The following PDE8A variants were observed in gnomAD, a reference collection of about 807,000 sequenced individuals.
PDE8A encodes phosphodiesterase 8A, also known as high affinity cAMP-specific and IBMX-insensitive 3',5'-cyclic phosphodiesterase 8A.
In PDE8A, 59 loss-of-function variants were observed where a neutral mutation model predicts 105.0. That is an observed-to-expected ratio of 0.56 (90% CI 0.46 to 0.70). The LOEUF is 0.70. PDE8A is among the 30% of genes least tolerant of loss of function. The pLI, the probability that PDE8A is intolerant of heterozygous loss-of-function variation, is 0.00. For synonymous variants in PDE8A, 355 were observed against 371.9 expected, an observed-to-expected ratio of 0.95 and a Z score of 0.52; for missense variants, 1,014 against 1,045.9, an observed-to-expected ratio of 0.97 and a Z score of 0.42.
At chr15:85,137,059 T>A (rs1339218528) in intron 21 of PDE8A, among the ~76,000 whole-genome samples, 1 of 152,172 alleles carries the variant, frequency 6.6e-6, no homozygotes, top group Non-Finnish European at 1.5e-5. Flanking sequence ...CTGATGCATG[T>A]CACCCTCCTT....
chr15:85,085,698 G>T (rs2081541444), intron 6 of PDE8A, among the ~76,000 whole-genome samples: 2 of 146,554 alleles, frequency 1.4e-5, no homozygotes, highest in South Asian at 4.4e-4. Flanking sequence ...AACAGACTTG[G>T]ATATATTTAA....
chr15:85,062,498 G>A (rs1234462971), intron 1 of PDE8A: 1 of 152,258 alleles, frequency 6.6e-6, no homozygotes, highest in African/African-American at 2.4e-5. Context: ...AAATCTCCTA[G>A]AAGTCTCTTC....
chr15:85,088,984 T>C (rs1178875447), intron 6 of PDE8A, among the ~76,000 whole-genome samples: 1 of 152,194 alleles, frequency 6.6e-6, no homozygotes, highest in Non-Finnish European at 1.5e-5. Context: ...TTCTCTTATT[T>C]AGTCTTCATG....
In PDE8A at chr15:85,071,125, G is replaced by A. The variant is rs575029907; in HGVS notation, c.434+3921G>A. ...GATAGGAATCTCTACTGTATCTGTC[G>A]TACCGTGGAGACTAATAAAGAAGCC... On this transcript the variant is annotated intron_variant, in intron 3 of 21. Coordinates refer to ENST00000394553, the MANE Select transcript of PDE8A (RefSeq NM_002605.3). 2.5e-3 allele frequency among the ~76,000 whole-genome samples: 386 copies of A among 152,300 alleles called. 4 individuals carry two copies. The highest frequency in any genetic ancestry group is 2.1e-3 in the Non-Finnish European group (146 of 68,022).
intron 1 of PDE8A, among the ~76,000 whole-genome samples, chr15:85,008,880 T>C (rs1450502427): frequency 6.6e-6 from 1 of 152,140 alleles, no homozygotes; most frequent in Non-Finnish European, 1.5e-5. Context: ...TCTCCCTGTG[T>C]CTCGAGTTCA....
chr15:85,075,247 C>A (rs1158709556), intron 3 of PDE8A, among the ~76,000 whole-genome samples: 1 of 152,194 alleles, frequency 6.6e-6, no homozygotes, highest in African/African-American at 2.4e-5. Context: ...TAACTTTAGT[C>A]GAACAGTCTC....
intron 1 of PDE8A, among the ~76,000 whole-genome samples, chr15:85,018,105 G>C (rs2080359251): frequency 6.6e-6 from 1 of 152,114 alleles, no homozygotes; most frequent in Non-Finnish European, 1.5e-5. Context: ...GTAGATTGTA[G>C]AGCAACAGAA....
chr15:84,993,837 A>G (rs1221344985), intron 1 of PDE8A, among the ~76,000 whole-genome samples: 5 of 152,162 alleles, frequency 3.3e-5, no homozygotes, highest in Non-Finnish European at 7.3e-5. Context: ...GCAGTGAGCT[A>G]TGATTGTGCC....
At chr15:85,006,422 T>A (rs2080148477) in intron 1 of PDE8A, among the ~76,000 whole-genome samples, 1 of 152,192 alleles carries the variant, frequency 6.6e-6, no homozygotes, top group Non-Finnish European at 1.5e-5. Context: ...CTAAAGTACA[T>A]GGTCCAGGCA....
At chr15:84,995,064 T>C (rs781599798) in intron 1 of PDE8A, among the ~76,000 whole-genome samples, 21 of 152,256 alleles carry the variant, frequency 1.4e-4, no homozygotes, top group Non-Finnish European at 2.4e-4. Flanking sequence ...TTTTTTCCTT[T>C]TGAAGCAACA....
intron 1 of PDE8A, among the ~76,000 whole-genome samples, chr15:85,012,334 G>T (rs1297491222): frequency 1.3e-5 from 2 of 152,134 alleles, no homozygotes; most frequent in Non-Finnish European, 2.9e-5. Flanking sequence ...TTAAGAAAAT[G>T]TGGCACATAT....
At chr15:85,088,263 G>A (rs1289329023) in intron 6 of PDE8A, among the ~76,000 whole-genome samples, 2 of 152,162 alleles carry the variant, frequency 1.3e-5, no homozygotes, top group South Asian at 2.1e-4. Flanking sequence ...GACCTCAGGT[G>A]ATCCACCCGC....
At chr15:85,058,322 A>T (rs1314602261) in intron 1 of PDE8A, among the ~76,000 whole-genome samples, 1 of 152,064 alleles carries the variant, frequency 6.6e-6, no homozygotes, top group Non-Finnish European at 1.5e-5. Context: ...CTGGCCTCAA[A>T]CAGTCCTCCC....
chr15:85,007,468 G>A (rs143911927), intron 1 of PDE8A, among the ~76,000 whole-genome samples: 159 of 150,848 alleles, frequency 1.1e-3, no homozygotes, highest in African/African-American at 3.7e-3. Flanking sequence ...ATACAGGTAC[G>A]TTCAGTTTGC....
chr15:85,009,972 C>G (rs746609439), intron 1 of PDE8A, among the ~76,000 whole-genome samples: 1 of 152,192 alleles, frequency 6.6e-6, no homozygotes, highest in Non-Finnish European at 1.5e-5. Flanking sequence ...ACATGCAACA[C>G]CATGCATGAA....
chr15:85,053,567 T>C lies in PDE8A; in HGVS notation c.187-10803T>C, dbSNP rs1321156658. Among the ~76,000 whole-genome samples the C allele has an allele frequency of 3.3e-5, 5 of 152,366 alleles. No individual in the cohort carries two copies. The East Asian group carries it at 5.8e-4, about 18-fold the overall frequency. On this transcript the variant is annotated intron_variant, in intron 1 of 21. Transcript: ENST00000394553. ...TTGTAAGTTGGATTCCTAGGTATTCTATTCTCTTGGAAGCAATTGTGAATG... is the reference window on the plus strand; with the variant it reads ...TTGTAAGTTGGATTCCTAGGTATTCCATTCTCTTGGAAGCAATTGTGAATG...
chr15:85,137,441 G>GGGCCA (rs1290531659), intron 21 of PDE8A, among the ~76,000 whole-genome samples: 4 of 151,644 alleles, frequency 2.6e-5, no homozygotes, highest in Non-Finnish European at 4.4e-5. Context: ...GAGCACACAA[G>GGGCCA]GGCCAGGCCA....
At position 85,123,089 on chromosome 15, in the gene PDE8A, A is replaced by AT; in HGVS notation, c.1983dup (p.Ile662TyrfsTer14). On this transcript the variant is annotated frameshift_variant, in exon 19 of 22. Transcript: ENST00000394553. LOFTEE classifies it high-confidence loss of function. ...TGATTATCGGACACTGCGCCAGGGGATTATCGACATGGTCTTAGCCACAGA... is the reference window on the plus strand; with the variant it reads ...TGATTATCGGACACTGCGCCAGGGGATTTATCGACATGGTCTTAGCCACAGA... The AT allele has an allele frequency of 6.2e-7, 1 of 1,614,032 alleles. No homozygotes were observed. Among genetic ancestry groups the AT allele is most frequent in the Non-Finnish European group, 8.5e-7 (1 of 1,179,958 alleles).
intron 3 of PDE8A, among the ~76,000 whole-genome samples, chr15:85,069,492 C>G (rs912600531): frequency 6.6e-6 from 1 of 152,178 alleles, no homozygotes. Context: ...ATTGTGTCCC[C>G]CCACCCCAGA....
Sources: allele counts gnomAD v4.1 joint callset (sites outside exome capture counted in the v4.1 genomes callset), GRCh38; gene constraint gnomAD v4.1.1; transcripts MANE v1.5; gene names NCBI Gene and HGNC (gene_info 2026-07-23, HGNC 2026-07-21).